Variants in IGFL4 observed in about 807,000 individuals in gnomAD.
IGFL4 encodes the protein insulin growth factor-like family member 4.
Under a neutral mutation model 15.4 loss-of-function variants are expected in IGFL4, and 12 were observed. The observed-to-expected ratio is 0.78, with a 90% CI of 0.50 to 1.26. The LOEUF is 1.26. IGFL4 is among the 50% of genes most tolerant of loss of function. The pLI is 0.00. For synonymous variants in IGFL4, 54 were observed against 55.9 expected (o/e 0.97, Z 0.16); for missense variants, 126 against 147.8 (o/e 0.85, Z 0.76).
chr19:46,065,314 C>A (rs957687341), intron 1 of IGFL4, among the ~76,000 whole-genome samples: 1 of 4,770 alleles, frequency 2.1e-4, no homozygotes, highest in East Asian at 1.2e-3. Context: ...AGAAGCTTTT[C>A]TTTTCTTTTC....
rs746810914 is a variant in IGFL4, at chr19:46,040,346, G to T, written c.141C>A (p.Cys47Ter). 23 of 1,614,202 alleles carry T rather than the reference G, an allele frequency of 1.4e-5. No individual in the cohort carries two copies. In the South Asian group the frequency reaches 2.5e-4, roughly 18 times the overall value. Residue 47 changes from cysteine (C) to a stop codon, truncating the protein, a stop_gained, in exon 3 of 4, where the codon TGC becomes TGA. Coordinates refer to ENST00000377697, the MANE Select transcript of IGFL4 (RefSeq NM_001002923.3). LOFTEE classifies it high-confidence loss of function. The surrounding 1 kb of genome is among the most constrained non-coding windows in gnomAD (Gnocchi z 4.1). ...AGTCTAGGATGACACCGTCATCACA[G>T]CACTGCTCCAAGGGGTTGTAGGTCC... ...GEWTYNPLEQ[C>*]CDDGVILDLN...
upstream of IGFL4, among the ~76,000 whole-genome samples, chr19:46,044,257 A>C (rs1490517562): frequency 1.3e-5 from 2 of 152,212 alleles, no homozygotes; most frequent in African/African-American, 4.8e-5. Context: ...GAGTCTTGGC[A>C]GAGCGGCCAC....
chr19:46,067,133 A>G (rs1015522149), intron 1 of IGFL4, among the ~76,000 whole-genome samples: 1 of 151,462 alleles, frequency 6.6e-6, no homozygotes, highest in Admixed American at 6.6e-5. Context: ...TCTCCCATCC[A>G]CTCTCCTTGT....
At position 46,039,778 on chromosome 19, in the gene IGFL4, C is replaced by G. The variant is rs1351569219; in HGVS notation, c.*114G>C. 2 of 974,834 alleles carry G rather than the reference C, an allele frequency of 2.1e-6. No homozygotes were observed. Among genetic ancestry groups the G allele is most frequent in the Non-Finnish European group, 3.3e-6 (2 of 605,426 alleles). 60.4% of individuals were successfully genotyped at this position (974,834 alleles called of 1,614,324 possible). On this transcript the variant is annotated 3_prime_UTR_variant, in exon 4 of 4. Transcript: ENST00000377697. ...ACTTTGCTGAAGTTGCTTATTTGCA[C>G]TCCAGCCTGGGGGACAGAGTGAAAC...
chr19:46,064,611 A>G (rs568880268), intron 1 of IGFL4, among the ~76,000 whole-genome samples: 1 of 152,284 alleles, frequency 6.6e-6, no homozygotes, highest in African/African-American at 2.4e-5. Flanking sequence ...TTCACTTGGT[A>G]TGACCGCCAG....
upstream of IGFL4, among the ~76,000 whole-genome samples, chr19:46,041,714 CCCTGTGTCA>C (rs1483279202): frequency 1.3e-5 from 2 of 151,768 alleles, no homozygotes; most frequent in African/African-American, 4.8e-5. Context: ...CTGGTTTCTT[CCCTGTGTCA>C]CAGTGAGAAG....
chr19:46,065,539 C>T (rs1385227479), intron 1 of IGFL4, among the ~76,000 whole-genome samples: 1 of 152,206 alleles, frequency 6.6e-6, no homozygotes, highest in Non-Finnish European at 1.5e-5. Context: ...AATCTCTTGA[C>T]CTTGTGATCT....
intron 1 of IGFL4, among the ~76,000 whole-genome samples, chr19:46,071,532 G>A (rs1050988359): frequency 2.0e-5 from 3 of 152,202 alleles, no homozygotes; most frequent in African/African-American, 7.2e-5. Flanking sequence ...GGGATGGGGA[G>A]GTGTAAGACA....
At position 46,040,723 on chromosome 19, in the gene IGFL4, G is replaced by A. The variant is rs10418824; in HGVS notation, c.20-155C>T. ...GTGCAGGTCCTGGGGACTGGGCTTG[G>A]CAGGTGAGGAAAGGCAGGGAGGGCT... On this transcript the variant is annotated intron_variant, in intron 1 of 3. Coordinates refer to ENST00000377697, the MANE Select transcript of IGFL4 (RefSeq NM_001002923.3). The surrounding 1 kb of genome is among the most constrained non-coding windows in gnomAD (Gnocchi z 4.1). The A allele has an allele frequency of 0.011, 11,235 of 996,352 alleles. 810 individuals carry two copies. In the African/African-American group the frequency reaches 0.16, roughly 14 times the overall value. The allele number at this position is 996,352 out of a possible 1,614,324, so 61.7% of individuals were successfully genotyped here. A position where few individuals can be genotyped will look rare whatever the true frequency, so the allele number is the denominator to read the frequency against.
chr19:46,050,534 C>T (rs1969335759), intron 2 of IGFL4, among the ~76,000 whole-genome samples: 1 of 152,166 alleles, frequency 6.6e-6, no homozygotes, highest in African/African-American at 2.4e-5. Context: ...ACTGGAAAGT[C>T]TCAGCGATAG....
chr19:46,039,982 T>C, intron 3 of IGFL4, 46 bp from the exon 4 acceptor site: 5 of 1,509,350 alleles, frequency 3.3e-6, no homozygotes, highest in East Asian at 2.3e-5. Context: ...GGGAGGGTGG[T>C]AGCAGCAGTG....
chr19:46,074,540 G>A (rs972908414), intron 1 of IGFL4, among the ~76,000 whole-genome samples: 6 of 152,198 alleles, frequency 3.9e-5, no homozygotes, highest in Middle Eastern at 3.4e-3. Context: ...AAGCCAGTCC[G>A]AGTCCCAAAG....
intron 1 of IGFL4, among the ~76,000 whole-genome samples, chr19:46,065,331 TTTC>T (rs1354981555): frequency 3.4e-5 from 5 of 147,566 alleles, no homozygotes; most frequent in African/African-American, 1.2e-4. Flanking sequence ...TTTCTTTTCT[TTTC>T]TTTTTTGAGA....
intron 1 of IGFL4, among the ~76,000 whole-genome samples, chr19:46,064,905 C>T (rs10413523): frequency 0.028 from 4,221 of 152,106 alleles, 212 homozygotes; most frequent in African/African-American, 0.096. Context: ...ACATTCCTAC[C>T]AACAGTGTAT....
At chr19:46,041,297 T>C (rs1019262275), upstream of IGFL4, among the ~76,000 whole-genome samples, 13 of 152,160 alleles carry the variant, frequency 8.5e-5, no homozygotes, top group Non-Finnish European at 1.6e-4. Context: ...TTGGAAGATA[T>C]TCCTTAACTC....
At chr19:46,063,661 A>G (rs1289722824) in intron 1 of IGFL4, among the ~76,000 whole-genome samples, 2 of 152,220 alleles carry the variant, frequency 1.3e-5, no homozygotes, top group South Asian at 4.1e-4. Flanking sequence ...CTTCAACATC[A>G]ATAGCCAAAT....
intron 1 of IGFL4, among the ~76,000 whole-genome samples, chr19:46,066,244 G>A (rs1969493468): frequency 6.6e-6 from 1 of 152,168 alleles, no homozygotes; most frequent in African/African-American, 2.4e-5. Flanking sequence ...AATTTCAGAT[G>A]AGCAACAAAG....
intron 2 of IGFL4, among the ~76,000 whole-genome samples, chr19:46,046,352 A>G (rs1301622484): frequency 6.6e-6 from 1 of 152,226 alleles, no homozygotes; most frequent in Non-Finnish European, 1.5e-5. Flanking sequence ...CAACAAAACA[A>G]GTCTGTAAAA....
At chr19:46,049,430 T>C (rs1969325450) in intron 2 of IGFL4, among the ~76,000 whole-genome samples, 1 of 152,156 alleles carries the variant, frequency 6.6e-6, no homozygotes, top group South Asian at 2.1e-4. Context: ...TAGGGGGGCA[T>C]AGTGGGAGTG....
Sources: gnomAD v4.1 joint callset for allele counts (sites outside exome capture counted in the v4.1 genomes callset) on GRCh38, gnomAD v4.1.1 for gene constraint, Gnocchi (gnomAD v3.1) non-coding constraint, MANE v1.5 for transcripts, NCBI Gene and HGNC (gene_info 2026-07-23, HGNC 2026-07-21) for gene names.